RPS14: variants seen among roughly 807,000 people sequenced by gnomAD.
RPS14 encodes small ribosomal subunit protein uS11.
RPS14 carries 1 observed loss-of-function variant against 15.4 expected under a neutral mutation model. That is an observed-to-expected ratio of 0.07 (90% CI 0.02 to 0.31). RPS14 has a LOEUF of 0.31. RPS14 is among the 10% of genes least tolerant of loss of function. RPS14 has a pLI of 1.00. For missense variants in RPS14, 69 were observed against 205.5 expected, an observed-to-expected ratio of 0.34 and a Z score of 4.06; for synonymous variants, 68 against 74.4, an observed-to-expected ratio of 0.91 and a Z score of 0.44.
At chr5:150,448,581 A>G (rs1316379950) in intron 1 of RPS14, 1 of 152,192 alleles carries the variant, frequency 6.6e-6, no homozygotes, top group Non-Finnish European at 1.5e-5. Context: ...ACATTTTCAG[A>G]AGACACTAAC....
chr5:150,445,576 A>T (rs1202770389), intron 4 of RPS14, 33 bp downstream of exon 4: 1 of 1,602,982 alleles, frequency 6.2e-7, no homozygotes, highest in South Asian at 1.1e-5. Context: ...GCTTCAAAAT[A>T]AACCCAAGCA....
chr5:150,445,284 A>G, intron 4 of RPS14: 1 of 431,866 alleles, frequency 2.3e-6, no homozygotes. Flanking sequence ...TGAACATCCT[A>G]CAATGCAGGA....
chr5:150,445,335 T>C, intron 4 of RPS14: 1 of 598,666 alleles, frequency 1.7e-6, no homozygotes, highest in Non-Finnish European at 3.0e-6. Context: ...ACCTCAAGAA[T>C]GGAGGAAAGG....
At chr5:150,449,022 T>C (rs1771190832) in intron 1 of RPS14, 2 of 152,236 alleles carry the variant, frequency 1.3e-5, no homozygotes, top group South Asian at 2.1e-4. Context: ...TTCGGCATGA[T>C]GGCCATTCAG....
At chr5:150,447,135 G>T in intron 2 of RPS14, 172 bp from the exon 3 acceptor site, 2 of 639,408 alleles carry the variant, frequency 3.1e-6, no homozygotes, top group East Asian at 5.5e-5. Context: ...GCTATACTCA[G>T]TATTAACATT....
rs545481256 is a variant in RPS14 at position 150,444,111 on chromosome 5, G to A, written c.*175C>T. ...TTAATGCCGCAAGTAGCATGGAAAAGACCCCAAATGCAGCACCAGGATCTC... is the reference window on the plus strand; with the variant it reads ...TTAATGCCGCAAGTAGCATGGAAAAAACCCCAAATGCAGCACCAGGATCTC... On this transcript the variant is annotated 3_prime_UTR_variant, in exon 5 of 5. Coordinates refer to ENST00000407193, the MANE Select transcript of RPS14 (RefSeq NM_005617.4). The A allele has an allele frequency of 2.1e-6, 2 of 967,764 alleles. No homozygotes were observed. The highest frequency in any genetic ancestry group is 3.4e-5 in the Admixed American group (1 of 29,266). The allele number at this position is 967,764 out of a possible 1,614,324, so 59.9% of individuals were successfully genotyped here. A position where few individuals can be genotyped will look rare whatever the true frequency, so the allele number is the denominator to read the frequency against.
intron 4 of RPS14, 126 bp downstream of exon 4, chr5:150,445,483 C>T (rs760133821): frequency 1.3e-5 from 11 of 854,270 alleles, no homozygotes; most frequent in Non-Finnish European, 6.0e-6. Flanking sequence ...CTTGCAGCCT[C>T]CCTTAACAAA....
chr5:150,447,267 T>C (rs892089902), intron 2 of RPS14: 3 of 529,782 alleles, frequency 5.7e-6, no homozygotes, highest in Non-Finnish European at 1.0e-5. Context: ...AAGTCACAAC[T>C]TGCTAAATGG....
intron 1 of RPS14, 164 bp from the exon 2 acceptor site, chr5:150,447,899 C>T (rs1441933007): frequency 1.3e-6 from 1 of 746,218 alleles, no homozygotes; most frequent in Non-Finnish European, 2.1e-6. Flanking sequence ...ACTTCTTTCT[C>T]CTTGCACTTG....
At position 150,443,079 on chromosome 5, in the gene RPS14, G is replaced by C. The variant is rs1174009064; in HGVS notation, c.*1207C>G. 1.3e-5 allele frequency: 2 copies of C among 151,930 alleles called. No homozygotes were observed. The highest frequency in any genetic ancestry group is 3.8e-4 in the East Asian group (2 of 5,198). 9.4% of individuals were successfully genotyped at this position (151,930 alleles called of 1,614,324 possible). ...TCCAGGATACCACAATGGGCATTTA[G>C]TTTTCACGCCTCCTTAATCTCCTGT... On this transcript the variant is annotated 3_prime_UTR_variant, in exon 5 of 5. Transcript: ENST00000407193.
At position 150,443,069 on chromosome 5, in the gene RPS14, T is replaced by A. The variant is rs566127446; in HGVS notation, c.*1217A>T. 6.6e-6 allele frequency: 1 copy of A among 152,340 alleles called. No individual in the cohort carries two copies. The highest frequency in any genetic ancestry group is 1.9e-4 in the East Asian group (1 of 5,194). 9.4% of individuals were successfully genotyped at this position (152,340 alleles called of 1,614,324 possible). A position where few individuals can be genotyped will look rare whatever the true frequency, so the allele number is the denominator to read the frequency against. ...CAGAATCCAATCCAGGATACCACAA[T>A]GGGCATTTAGTTTTCACGCCTCCTT... On this transcript the variant is annotated 3_prime_UTR_variant, in exon 5 of 5. Coordinates refer to ENST00000407193, the MANE Select transcript of RPS14 (RefSeq NM_005617.4).
intron 2 of RPS14, chr5:150,447,195 A>G: frequency 1.8e-6 from 1 of 562,104 alleles, no homozygotes; most frequent in Non-Finnish European, 3.1e-6. Flanking sequence ...CACAAGGTAG[A>G]CATTACTGTC....
At chr5:150,445,386 T>C (rs1771061578) in intron 4 of RPS14, 1 of 691,768 alleles carries the variant, frequency 1.4e-6, no homozygotes, top group Non-Finnish European at 2.7e-6. Context: ...CCAGGCAGTG[T>C]AGGACAGAGA....
At position 150,444,363 on chromosome 5, in the gene RPS14, G is replaced by A; in HGVS notation, c.389-10C>T. On this transcript the variant is annotated splice_polypyrimidine_tract_variant and intron_variant, in intron 4 of 4. Transcript: ENST00000407193. ...ATGGGGGTGACATCCTCTGTGGGGAGGAAGAGAAAGCGTCATTGCCTGGAG... is the reference window on the plus strand; with the variant it reads ...ATGGGGGTGACATCCTCTGTGGGGAAGAAGAGAAAGCGTCATTGCCTGGAG... 6.2e-7 allele frequency: 1 copy of A among 1,606,694 alleles called. No individual in the cohort carries two copies. Among genetic ancestry groups the A allele is most frequent in the Non-Finnish European group, 8.5e-7 (1 of 1,174,920 alleles).
Position 150,442,987 on chromosome 5 carries a change from T to A in RPS14, c.*1299A>T, listed in dbSNP as rs532019510. 1 of 152,202 alleles carries A rather than the reference T, an allele frequency of 6.6e-6. No homozygotes were observed. Among genetic ancestry groups the A allele is most frequent in the Non-Finnish European group, 1.5e-5 (1 of 68,038 alleles). The allele number at this position is 152,202 out of a possible 1,614,324, so 9.4% of individuals were successfully genotyped here. ...TGTTGGGATTATAGGCGTGAACCAC[T>A]GTGCCCTGCCTTTATCCTATTTCAC... is the stretch of plus-strand genomic sequence containing the variant. On this transcript the variant is annotated 3_prime_UTR_variant, in exon 5 of 5. Transcript: ENST00000407193.
At position 150,446,997 on chromosome 5, in the gene RPS14, G is replaced by A. The variant is rs746409157; in HGVS notation, c.150-34C>T. 61 of 1,610,654 alleles carry A rather than the reference G, an allele frequency of 3.8e-5. No homozygotes were observed. Among genetic ancestry groups the A allele is most frequent in the African/African-American group, 1.5e-4 (11 of 74,862 alleles). Reference sequence around the variant, plus strand: ...AAAAGCACAGGGTCATTTCTTCCTCGTCCAACAAGGAGTGCTTACGATATC... The same window carrying A: ...AAAAGCACAGGGTCATTTCTTCCTCATCCAACAAGGAGTGCTTACGATATC... On this transcript the variant is annotated intron_variant, in intron 2 of 4. Coordinates refer to ENST00000407193, the MANE Select transcript of RPS14 (RefSeq NM_005617.4). The surrounding 1 kb of genome is among the most constrained non-coding windows in gnomAD (Gnocchi z 4.2).
rs2070844 is a variant in RPS14 at position 150,444,222 on chromosome 5, G to A, written c.*64C>T. ...AGTAGCCCCTGATGAAGGAGAGAAG[G>A]CTGGAGTTGAAACAGTTTACATGAA... On this transcript the variant is annotated 3_prime_UTR_variant, in exon 5 of 5. Transcript: ENST00000407193. 0.26 allele frequency: 402,770 copies of A among 1,545,536 alleles called. 55,661 individuals are homozygous for A. The highest frequency in any genetic ancestry group is 0.39 in the South Asian group (33,732 of 86,032).
At position 150,446,839 on chromosome 5, in the gene RPS14, C is replaced by T. The variant is rs1294767383; in HGVS notation, c.274G>A (p.Ala92Thr). 12 of 1,614,006 alleles carry T rather than the reference C, an allele frequency of 7.4e-6. No individual in the cohort carries two copies. The highest frequency in any genetic ancestry group is 9.3e-6 in the Non-Finnish European group (11 of 1,180,022). Reference protein sequence around the residue: ...AQRCKELGITALHIKLRATGG... With the variant: ...AQRCKELGITTLHIKLRATGG... ...GTGGCCCGGAGTTTGATGTGTAGGG[C>T]GGTGATACCCAGCTCCTTGCACCTC... Residue 92 changes from alanine (A) to threonine (T), a missense_variant, in exon 3 of 5, where the codon GCC becomes ACC. Coordinates refer to ENST00000407193, the MANE Select transcript of RPS14 (RefSeq NM_005617.4). The surrounding 1 kb of genome is among the most constrained non-coding windows in gnomAD (Gnocchi z 4.2).
At chr5:150,448,500 A>G (rs527965583) in intron 1 of RPS14, 1 of 152,370 alleles carries the variant, frequency 6.6e-6, no homozygotes, top group African/African-American at 2.4e-5. Flanking sequence ...AGAAAGTGGA[A>G]GGCTAGGATA....
Sources: gnomAD v4.1 joint callset for allele counts on GRCh38, gnomAD v4.1.1 for gene constraint, Gnocchi (gnomAD v3.1) non-coding constraint, MANE v1.5 for transcripts, NCBI Gene and HGNC (gene_info 2026-07-23, HGNC 2026-07-21) for gene names.